The following NMNAT1 variants were observed in gnomAD, a reference collection of about 807,000 sequenced individuals.
The protein encoded by NMNAT1 is nicotinamide nucleotide adenylyltransferase 1.
NMNAT1 carries 11 observed loss-of-function variants against 16.7 expected under a neutral mutation model. The observed-to-expected ratio is 0.66, with a 90% CI of 0.41 to 1.09. The LOEUF is 1.09. Among genes scored for constraint, NMNAT1 ranks in the 50% least tolerant of loss-of-function variants. The pLI, the probability that NMNAT1 is intolerant of heterozygous loss-of-function variation, is 0.00. For missense variants in NMNAT1, 280 were observed against 332.3 expected (o/e 0.84, Z 1.22); for synonymous variants, 110 against 119.8 (o/e 0.92, Z 0.53).
At chr1:9,988,722 A>T (rs1352786826), downstream of NMNAT1, among the ~76,000 whole-genome samples, 3 of 137,928 alleles carry the variant, frequency 2.2e-5, no homozygotes, top group East Asian at 4.3e-4. Context: ...AAAAAAAAAA[A>T]AGGGTACCTT....
At chr1:9,975,303 C>T (rs1182504684) in intron 2 of NMNAT1, among the ~76,000 whole-genome samples, 1 of 151,968 alleles carries the variant, frequency 6.6e-6, no homozygotes, top group Non-Finnish European at 1.5e-5. Flanking sequence ...GAGTTGGAGA[C>T]CAGCTTGGCT....
At chr1:9,967,078 G>A (rs1282051794) in intron 1 of NMNAT1, among the ~76,000 whole-genome samples, 1 of 151,932 alleles carries the variant, frequency 6.6e-6, no homozygotes, top group Non-Finnish European at 1.5e-5. Context: ...ACAAAAATTA[G>A]CTGGGCATGT....
Position 9,972,031 on chromosome 1 carries a change from T to G in NMNAT1, c.-43T>G. On this transcript the variant is annotated 5_prime_UTR_variant, in exon 2 of 5. Transcript: ENST00000377205. ...TTTCCTTTGTAGACAACAAGGGAGG[T>G]GTCACAGTTTTCCATTTAGATCAAC... is the stretch of plus-strand genomic sequence containing the variant. 1 of 945,532 alleles carries G rather than the reference T, an allele frequency of 1.1e-6. No homozygotes were observed. Among genetic ancestry groups the G allele is most frequent in the Admixed American group, 1.8e-5 (1 of 56,678 alleles). 58.6% of individuals were successfully genotyped at this position (945,532 alleles called of 1,614,324 possible).
chr1:9,972,048 T>G lies in NMNAT1; in HGVS notation c.-26T>G, dbSNP rs1641700583. The G allele has an allele frequency of 1.7e-6, 2 of 1,194,120 alleles. No individual in the cohort carries two copies. The highest frequency in any genetic ancestry group is 3.4e-5 in the Admixed American group (2 of 58,194). The allele number at this position is 1,194,120 out of a possible 1,614,324, so 74.0% of individuals were successfully genotyped here. The stretch of plus-strand genomic sequence containing the variant: ...AAGGGAGGTGTCACAGTTTTCCATT[T>G]AGATCAACAACTTCAAGTTCTTACC... On this transcript the variant is annotated 5_prime_UTR_variant, in exon 2 of 5. Coordinates refer to ENST00000377205, the MANE Select transcript of NMNAT1 (RefSeq NM_022787.4).
rs113606279 is a variant in NMNAT1, at chr1:9,983,655, C to CA, written c.*968dup. 0.023 allele frequency: 2,640 copies of CA among 115,430 alleles called. 61 individuals carry two copies. The highest frequency in any genetic ancestry group is 0.073 in the African/African-American group (2,311 of 31,588). 7.2% of individuals were successfully genotyped at this position (115,430 alleles called of 1,614,324 possible). On this transcript the variant is annotated 3_prime_UTR_variant, in exon 5 of 5. Coordinates refer to ENST00000377205, the MANE Select transcript of NMNAT1 (RefSeq NM_022787.4). ...TGGGTGACAGAGCGAGACTCCATCT[C>CA]AAAAAAAAAAAAAAGCCTGACAGCT...
At chr1:9,948,372 C>T (rs1220420) in intron 1 of NMNAT1, among the ~76,000 whole-genome samples, 95,767 of 151,890 alleles carry the variant, frequency 0.63, 35,512 homozygotes, top group Non-Finnish European at 0.83. Flanking sequence ...CCCAGGAGTT[C>T]GAGACCAGTC....
At chr1:9,968,894 C>T (rs1386933371) in intron 1 of NMNAT1, among the ~76,000 whole-genome samples, 3 of 147,114 alleles carry the variant, frequency 2.0e-5, no homozygotes, top group Admixed American at 1.4e-4. Context: ...GAGCTGAGAT[C>T]GTACCACTGC....
chr1:9,969,974 C>A (rs182537874), intron 1 of NMNAT1, among the ~76,000 whole-genome samples: 14 of 152,262 alleles, frequency 9.2e-5, no homozygotes, highest in Admixed American at 2.6e-4. Context: ...GAAGACCTTA[C>A]ATGCTTCAAG....
intron 1 of NMNAT1, among the ~76,000 whole-genome samples, chr1:9,964,529 G>A (rs796758443): frequency 4.6e-5 from 7 of 151,670 alleles, no homozygotes; most frequent in African/African-American, 1.7e-4. Flanking sequence ...CTGGGTGACA[G>A]AACAAGACCC....
chr1:9,973,110 TTTTC>T lies in NMNAT1; in HGVS notation c.115+938_115+941del, dbSNP rs1200287326. On this transcript the variant is annotated intron_variant, in intron 2 of 4. Transcript: ENST00000377205. ...GGCACAGCTTTTTAAAAGTTTTCTT[TTTTC>T]TTTCTTTCTTTCTTTTTTTTGAGAT... 4.6e-5 allele frequency among the ~76,000 whole-genome samples: 7 copies of T among 152,134 alleles called. No homozygotes were observed. In the East Asian group the frequency reaches 1.3e-3, roughly 29 times the overall value.
downstream of NMNAT1, among the ~76,000 whole-genome samples, chr1:9,988,105 C>T (rs541076520): frequency 2.6e-5 from 4 of 152,100 alleles, no homozygotes; most frequent in South Asian, 8.3e-4. Context: ...TCAAGAAATT[C>T]TCCTGCCTCA....
In NMNAT1 at chr1:9,982,101, G is replaced by A. The variant is rs535295920; in HGVS notation, c.440-200G>A. Among the ~76,000 whole-genome samples the A allele has an allele frequency of 2.0e-5, 3 of 152,268 alleles. No homozygotes were observed. In the South Asian group the frequency reaches 6.2e-4, roughly 32 times the overall value. On this transcript the variant is annotated intron_variant, in intron 4 of 4. Transcript: ENST00000377205. Reference sequence around the variant, plus strand: ...TGGTCTCAAACTCCTGACCTCAAGTGATCTACCCGCCTCGGCCTCCCAGAG... The same window carrying A: ...TGGTCTCAAACTCCTGACCTCAAGTAATCTACCCGCCTCGGCCTCCCAGAG...
intron 1 of NMNAT1, among the ~76,000 whole-genome samples, chr1:9,956,845 C>T (rs566523847): frequency 6.6e-6 from 1 of 151,582 alleles, no homozygotes; most frequent in East Asian, 1.9e-4. Context: ...GATTCTCCTG[C>T]CTCAGCCTCC....
At chr1:9,965,274 G>A (rs1049532482) in intron 1 of NMNAT1, among the ~76,000 whole-genome samples, 6 of 132,208 alleles carry the variant, frequency 4.5e-5, no homozygotes, top group Non-Finnish European at 9.2e-5. Flanking sequence ...CTGAGATTGT[G>A]CCACTGCACT....
intron 2 of NMNAT1, among the ~76,000 whole-genome samples, chr1:9,972,822 A>G (rs1052963635): frequency 2.0e-5 from 3 of 152,086 alleles, no homozygotes; most frequent in Admixed American, 6.6e-5. Context: ...TTAGCCAGGT[A>G]TGGTGGCATG....
chr1:9,981,196 G>A (rs756422651), intron 4 of NMNAT1, 26 bp downstream of exon 4: 10 of 1,592,546 alleles, frequency 6.3e-6, no homozygotes, highest in South Asian at 4.6e-5. Flanking sequence ...CAGGACCCAC[G>A]GACTAGAGTT....
At chr1:9,960,947 A>T (rs1043792204) in intron 1 of NMNAT1, among the ~76,000 whole-genome samples, 1 of 152,170 alleles carries the variant, frequency 6.6e-6, no homozygotes, top group Non-Finnish European at 1.5e-5. Context: ...CTCTTCAGGA[A>T]AGGGACAGAC....
chr1:9,988,782 C>T (rs1176886997), downstream of NMNAT1, among the ~76,000 whole-genome samples: 1 of 147,392 alleles, frequency 6.8e-6, no homozygotes, highest in Admixed American at 6.9e-5. Flanking sequence ...TCTCGTGCCT[C>T]AGCCTTCTGA....
At chr1:9,979,685 C>T (rs1641893809) in intron 3 of NMNAT1, among the ~76,000 whole-genome samples, 1 of 151,256 alleles carries the variant, frequency 6.6e-6, no homozygotes, top group South Asian at 2.1e-4. Flanking sequence ...GCCTGTAGTC[C>T]CAGCTACTCG....
Sources: allele counts gnomAD v4.1 joint callset (sites outside exome capture counted in the v4.1 genomes callset), GRCh38; gene constraint gnomAD v4.1.1; transcripts MANE v1.5; gene names NCBI Gene and HGNC (gene_info 2026-07-23, HGNC 2026-07-21).